The following GRID2 variants were observed in gnomAD, a reference collection of about 807,000 sequenced individuals.
GRID2 encodes glutamate receptor ionotropic, delta-2.
A neutral mutation model predicts 114.8 loss-of-function variants in GRID2; 33 were observed. That is an observed-to-expected ratio of 0.29 (90% CI 0.22 to 0.38). The LOEUF (loss-of-function observed/expected upper bound fraction) is 0.38, where lower values mean the gene tolerates loss of function less well. Ranked by LOEUF, GRID2 falls within the 10% of genes least tolerant of loss-of-function variation. The probability of loss-of-function intolerance (pLI) is 1.00; values close to 1 mark genes in which losing one functional copy is unlikely to be tolerated. For missense variants in GRID2, 1,184 were observed against 1,257.7 expected, an observed-to-expected ratio of 0.94 and a Z score of 0.89; for synonymous variants, 505 against 449.9, an observed-to-expected ratio of 1.12 and a Z score of -1.55.
rs1310624996 is a variant in GRID2 at position 92,790,664 on chromosome 4, C to A, written c.244+200378C>A. ...AACTCCTAGATTCAAGCGATTCTCC[C>A]AACTCAGCCTCTCAAAATGTTGGGA... On this transcript the variant is annotated intron_variant, in intron 2 of 15. Coordinates refer to ENST00000282020, the MANE Select transcript of GRID2 (RefSeq NM_001510.4). Among the ~76,000 whole-genome samples, 3 of 150,660 alleles carry A rather than the reference C, an allele frequency of 2.0e-5. No homozygotes were observed. In the East Asian group the frequency reaches 5.9e-4, roughly 30 times the overall value.
At chr4:93,435,373 T>C (rs979980089) in intron 10 of GRID2, among the ~76,000 whole-genome samples, 6 of 152,170 alleles carry the variant, frequency 3.9e-5, no homozygotes, top group Non-Finnish European at 5.9e-5. Flanking sequence ...TTTATCTTTG[T>C]TGAAAGACTA....
At chr4:93,105,621 A>G (rs1342459732) in intron 3 of GRID2, among the ~76,000 whole-genome samples, 1 of 152,072 alleles carries the variant, frequency 6.6e-6, no homozygotes, top group African/African-American at 2.4e-5. Context: ...GGCTCTAGGG[A>G]AGAGTCAATT....
intron 1 of GRID2, among the ~76,000 whole-genome samples, chr4:92,541,595 TGGGGA>T (rs1229147058): frequency 5.3e-5 from 8 of 152,088 alleles, no homozygotes; most frequent in African/African-American, 1.7e-4. Flanking sequence ...GATTAATACA[TGGGGA>T]TACATGATTT....
intron 14 of GRID2, among the ~76,000 whole-genome samples, chr4:93,737,261 G>T (rs191847142): frequency 6.6e-6 from 1 of 152,004 alleles, no homozygotes; most frequent in Non-Finnish European, 1.5e-5. Context: ...GCAAATTTCT[G>T]CAAATAACTT....
chr4:93,163,388 A>ATACAC (rs1737917718), intron 4 of GRID2, among the ~76,000 whole-genome samples: 1 of 46,160 alleles, frequency 2.2e-5, no homozygotes, highest in African/African-American at 7.7e-5. Context: ...ATATATATAT[A>ATACAC]TATATATATA....
chr4:93,422,875 T>C lies in GRID2; in HGVS notation c.1452T>C (p.Phe484=). 6.2e-7 allele frequency: 1 copy of C among 1,613,538 alleles called. No homozygotes were observed. The highest frequency in any genetic ancestry group is 1.3e-5 in the African/African-American group (1 of 75,038). The part of the protein sequence containing the change: ...VLDALSNYLG[F]NYEIYVAPDH... ...ATGCCTTATCTAACTACCTGGGTTT[T>C]AACTACGAAATTTACGTAGCACCGG... The change falls in exon 10 of 16, where the codon TTT becomes TTC. Residue 484 remains phenylalanine, a synonymous_variant. Coordinates refer to ENST00000282020, the MANE Select transcript of GRID2 (RefSeq NM_001510.4).
rs1162205952 is a variant in GRID2, at chr4:92,491,598, A to AT, written c.89-98525dup. Among the ~76,000 whole-genome samples the AT allele has an allele frequency of 2.6e-5, 4 of 151,722 alleles. No homozygotes were observed. In the East Asian group the frequency reaches 5.8e-4, roughly 22 times the overall value. Reference sequence around the variant, plus strand: ...ACTTGTGCCATTTCTTATTAAACTGATTTTTTTTCATTGTCATGTTTCACA... The same window carrying AT: ...ACTTGTGCCATTTCTTATTAAACTGATTTTTTTTTCATTGTCATGTTTCACA... On this transcript the variant is annotated intron_variant, in intron 1 of 15. Transcript: ENST00000282020.
chr4:92,738,965 G>A (rs958844975), intron 2 of GRID2, among the ~76,000 whole-genome samples: 1 of 152,134 alleles, frequency 6.6e-6, no homozygotes, highest in Admixed American at 6.5e-5. Flanking sequence ...GTAACACACA[G>A]TATGATTTTC....
At chr4:93,619,134 TA>T (rs1741981694) in intron 13 of GRID2, among the ~76,000 whole-genome samples, 1 of 152,184 alleles carries the variant, frequency 6.6e-6, no homozygotes, top group Non-Finnish European at 1.5e-5. Context: ...GAGCACAAAT[TA>T]AAATTTTGAC....
intron 8 of GRID2, among the ~76,000 whole-genome samples, chr4:93,272,289 T>C (rs1440874820): frequency 6.6e-6 from 1 of 152,118 alleles, no homozygotes; most frequent in Non-Finnish European, 1.5e-5. Flanking sequence ...AATAAAAGGA[T>C]ATGTCAGGTG....
chr4:92,481,282 T>G (rs560563018), intron 1 of GRID2, among the ~76,000 whole-genome samples: 25 of 152,228 alleles, frequency 1.6e-4, no homozygotes, highest in African/African-American at 5.5e-4. Context: ...TTCCTGGAAG[T>G]AGAGAAGTAT....
chr4:93,051,363 A>C (rs1359085706), intron 2 of GRID2, among the ~76,000 whole-genome samples: 1 of 152,058 alleles, frequency 6.6e-6, no homozygotes, highest in Non-Finnish European at 1.5e-5. Context: ...ATGCCAAAGC[A>C]CTGAAAAAGT....
At chr4:92,726,885 C>A (rs914023020) in intron 2 of GRID2, among the ~76,000 whole-genome samples, 2 of 151,844 alleles carry the variant, frequency 1.3e-5, no homozygotes, top group Non-Finnish European at 2.9e-5. Flanking sequence ...ACTTTGATTC[C>A]CCAGAGATTT....
intron 8 of GRID2, among the ~76,000 whole-genome samples, chr4:93,344,235 G>C (rs1470351166): frequency 6.6e-6 from 1 of 151,952 alleles, no homozygotes; most frequent in African/African-American, 2.4e-5. Flanking sequence ...TGTCATGAAT[G>C]GGGTATTTAT....
chr4:92,499,791 A>G (rs1178075630), intron 1 of GRID2, among the ~76,000 whole-genome samples: 1 of 151,994 alleles, frequency 6.6e-6, no homozygotes, highest in East Asian at 1.9e-4. Context: ...ACTTTTGTAT[A>G]TTTAGTAGAC....
At chr4:93,680,966 A>G (rs891448303) in intron 14 of GRID2, among the ~76,000 whole-genome samples, 3 of 151,386 alleles carry the variant, frequency 2.0e-5, no homozygotes, top group African/African-American at 7.3e-5. Context: ...AAGGTATTCA[A>G]TTAGGAAAAG....
At chr4:92,342,091 C>A in intron 1 of GRID2, among the ~76,000 whole-genome samples, 1 of 151,872 alleles carries the variant, frequency 6.6e-6, no homozygotes, top group Middle Eastern at 3.2e-3. Flanking sequence ...CAGGAATGAA[C>A]AAAATATTCC....
At chr4:93,530,495 T>C (rs1172968652) in intron 13 of GRID2, among the ~76,000 whole-genome samples, 2 of 152,190 alleles carry the variant, frequency 1.3e-5, no homozygotes, top group Non-Finnish European at 2.9e-5. Flanking sequence ...CTCATTTCTT[T>C]CCCTCCATCA....
intron 14 of GRID2, among the ~76,000 whole-genome samples, chr4:93,676,287 T>A (rs1023391047): frequency 6.6e-6 from 1 of 152,236 alleles, no homozygotes; most frequent in South Asian, 2.1e-4. Context: ...AATTCTTAAA[T>A]GTATGCTAAA....
Sources: allele counts gnomAD v4.1 joint callset (sites outside exome capture counted in the v4.1 genomes callset), GRCh38; gene constraint gnomAD v4.1.1; transcripts MANE v1.5; gene names NCBI Gene and HGNC (gene_info 2026-07-23, HGNC 2026-07-21).